The following TAF3 variants were observed in gnomAD, a reference collection of about 807,000 sequenced individuals.
TAF3 encodes TATA-box binding protein associated factor 3.
Under a neutral mutation model 80.6 loss-of-function variants are expected in TAF3, and 7 were observed. The ratio of observed to expected loss-of-function variants is 0.09; its 90% CI spans 0.05 to 0.16. The LOEUF (loss-of-function observed/expected upper bound fraction) is 0.16, where lower values mean the gene tolerates loss of function less well. Ranked by LOEUF, TAF3 falls within the 10% of genes least tolerant of loss-of-function variation. The pLI, the probability that TAF3 is intolerant of heterozygous loss-of-function variation, is 1.00. For synonymous variants in TAF3, 444 were observed against 446.1 expected (o/e 1.00, Z 0.06); for missense variants, 921 against 1,140.2 (o/e 0.81, Z 2.77).
chr10:7,844,720 A>G, intron 2 of TAF3, among the ~76,000 whole-genome samples: 1 of 151,936 alleles, frequency 6.6e-6, no homozygotes, highest in Non-Finnish European at 1.5e-5. Context: ...TCCATTATGA[A>G]CATAATATTT....
intron 2 of TAF3, among the ~76,000 whole-genome samples, chr10:7,943,567 A>G (rs1406066098): frequency 6.6e-6 from 1 of 152,188 alleles, no homozygotes; most frequent in African/African-American, 2.4e-5. Context: ...CCAAACTTGC[A>G]CACTGCTAGA....
intron 2 of TAF3, among the ~76,000 whole-genome samples, chr10:7,955,960 A>C (rs1212873872): frequency 3.3e-5 from 5 of 152,214 alleles, no homozygotes; most frequent in Non-Finnish European, 4.4e-5. Context: ...TTATGTGATT[A>C]AAAGGAATTT....
chr10:7,893,067 C>G (rs946328320), intron 2 of TAF3, among the ~76,000 whole-genome samples: 5 of 152,032 alleles, frequency 3.3e-5, no homozygotes, highest in African/African-American at 9.7e-5. Flanking sequence ...TGATCCACCC[C>G]CCTTGGCTTC....
chr10:7,997,541 A>T (rs1831901281), intron 4 of TAF3, among the ~76,000 whole-genome samples: 1 of 152,210 alleles, frequency 6.6e-6, no homozygotes, highest in Admixed American at 6.5e-5. Context: ...TATTTATGTC[A>T]CTGGTTTGTG....
At chr10:7,886,515 A>T (rs1837410470) in intron 2 of TAF3, among the ~76,000 whole-genome samples, 1 of 152,268 alleles carries the variant, frequency 6.6e-6, no homozygotes, top group African/African-American at 2.4e-5. Context: ...GACCTGGCTT[A>T]AAAATTCTAG....
chr10:8,008,766 C>T (rs1032024829), intron 4 of TAF3, among the ~76,000 whole-genome samples: 1 of 152,186 alleles, frequency 6.6e-6, no homozygotes, highest in Non-Finnish European at 1.5e-5. Flanking sequence ...ACCTCTGAAG[C>T]CGTCAGAGCT....
intron 2 of TAF3, among the ~76,000 whole-genome samples, chr10:7,953,219 G>C (rs1284278801): frequency 6.6e-6 from 1 of 152,168 alleles, no homozygotes; most frequent in Non-Finnish European, 1.5e-5. Flanking sequence ...AAGTAGGGTA[G>C]AGTTGTTCAT....
intron 2 of TAF3, among the ~76,000 whole-genome samples, chr10:7,903,447 C>T (rs1837578820): frequency 6.6e-6 from 1 of 152,172 alleles, no homozygotes; most frequent in African/African-American, 2.4e-5. Flanking sequence ...GGAAGCTCAC[C>T]TCCTTTTAGT....
intron 4 of TAF3, among the ~76,000 whole-genome samples, chr10:7,994,703 G>A (rs1025341332): frequency 1.3e-5 from 2 of 151,262 alleles, no homozygotes; most frequent in African/African-American, 2.4e-5. Context: ...AGTGGCCCAC[G>A]CCTGTGATCC....
rs151187824 is a variant in TAF3, at chr10:7,935,795, C to A, written c.410-28125C>A. Among the ~76,000 whole-genome samples, 388 of 152,268 alleles carry A rather than the reference C, an allele frequency of 2.5e-3. 8 individuals carry two copies. The South Asian group carries it at 0.033, about 13-fold the overall frequency. On this transcript the variant is annotated intron_variant, in intron 2 of 6. Transcript: ENST00000344293. ...AGATTCCAGGCCTTGAGGCTGAAGA[C>A]TTCTCATTGATTCAGGAGAAAAGTG...
At chr10:7,934,261 A>G (rs1448494367) in intron 2 of TAF3, among the ~76,000 whole-genome samples, 1 of 152,192 alleles carries the variant, frequency 6.6e-6, no homozygotes, top group Non-Finnish European at 1.5e-5. Context: ...GTCTAAAATA[A>G]AATCCCTAAG....
intron 2 of TAF3, among the ~76,000 whole-genome samples, chr10:7,828,528 A>G (rs1388872251): frequency 2.0e-5 from 3 of 152,098 alleles, no homozygotes; most frequent in Non-Finnish European, 4.4e-5. Context: ...TTTATCCAAG[A>G]ACATTCTCTC....
intron 2 of TAF3, among the ~76,000 whole-genome samples, chr10:7,871,890 A>C (rs188488342): frequency 2.8e-4 from 43 of 152,362 alleles, no homozygotes; most frequent in African/African-American, 8.7e-4. Flanking sequence ...AATATTTCTA[A>C]TATTTGTTCA....
intron 2 of TAF3, among the ~76,000 whole-genome samples, chr10:7,885,503 C>G (rs753817378): frequency 6.6e-6 from 1 of 152,120 alleles, no homozygotes; most frequent in Non-Finnish European, 1.5e-5. Context: ...TTTGTCTGCC[C>G]CATTTCCCTC....
intron 4 of TAF3, among the ~76,000 whole-genome samples, chr10:7,981,551 A>G (rs1182761766): frequency 6.6e-6 from 1 of 152,252 alleles, no homozygotes; most frequent in Non-Finnish European, 1.5e-5. Flanking sequence ...TTGAGAGTTC[A>G]CAGTAGGTAT....
chr10:7,964,913 C>T lies in TAF3; in HGVS notation c.1403C>T (p.Ala468Val). The T allele has an allele frequency of 6.2e-7, 1 of 1,614,132 alleles. No homozygotes were observed. Among genetic ancestry groups the T allele is most frequent in the Non-Finnish European group, 8.5e-7 (1 of 1,180,026 alleles). ...TCCGATAACTCATGGACAATGGATG[C>T]CTCCATTGATGAGGTTGTACGTAAA... ...SSSDNSWTMDASIDEVVRKAK... is the reference protein window; with the variant it reads ...SSSDNSWTMDVSIDEVVRKAK... The change falls in exon 3 of 7, where the codon GCC becomes GTC. Residue 468 changes from alanine (A) to valine (V), a missense_variant. Ala to Val is a moderately conservative substitution (Grantham distance 64). Around this residue, in one of 6 missense-constraint regions of TAF3, gnomAD observed 743 missense variants for 821.0 expected, o/e 0.90. Transcript: ENST00000344293. The surrounding 1 kb of genome is among the most constrained non-coding windows in gnomAD (Gnocchi z 4.1).
At chr10:7,863,087 G>T (rs953567976) in intron 2 of TAF3, among the ~76,000 whole-genome samples, 7 of 152,172 alleles carry the variant, frequency 4.6e-5, no homozygotes, top group African/African-American at 1.4e-4. Flanking sequence ...CTAGGAGTCT[G>T]ATGTCTTCTG....
intron 1 of TAF3, among the ~76,000 whole-genome samples, chr10:7,819,380 G>C (rs932820926): frequency 1.3e-5 from 2 of 152,074 alleles, no homozygotes; most frequent in African/African-American, 4.8e-5. Context: ...ACACTGCCTC[G>C]TCTTTCTGTA....
At chr10:7,946,717 TG>T (rs33964713) in intron 2 of TAF3, among the ~76,000 whole-genome samples, 85,899 of 151,040 alleles carry the variant, frequency 0.57, 25,455 homozygotes, top group East Asian at 0.71. Flanking sequence ...AGTAAGACCC[TG>T]GTCTCAAACG....
Sources: allele counts gnomAD v4.1 joint callset (sites outside exome capture counted in the v4.1 genomes callset), GRCh38; gene constraint gnomAD v4.1.1; regional missense constraint gnomAD v4.1.1; non-coding constraint Gnocchi (gnomAD v3.1); transcripts MANE v1.5; gene names NCBI Gene and HGNC (gene_info 2026-07-23, HGNC 2026-07-21).